Variants in NKAIN3 observed in about 807,000 individuals in gnomAD.
NKAIN3 encodes sodium/potassium transporting ATPase interacting 3, also known as sodium/potassium-transporting ATPase subunit beta-1-interacting protein 3.
NKAIN3 carries 25 observed loss-of-function variants against 30.2 expected under a neutral mutation model. The observed-to-expected ratio is 0.83, with a 90% confidence interval of 0.60 to 1.16. The LOEUF (loss-of-function observed/expected upper bound fraction) is 1.16. Among genes scored for constraint, NKAIN3 ranks in the 50% most tolerant of loss-of-function variants. The pLI is 0.00. For synonymous variants in NKAIN3, 91 were observed against 89.6 expected, an observed-to-expected ratio of 1.02 and a Z score of -0.09; for missense variants, 225 against 254.1, an observed-to-expected ratio of 0.89 and a Z score of 0.78.
intron 4 of NKAIN3, among the ~76,000 whole-genome samples, chr8:62,893,698 G>A (rs977124015): frequency 1.2e-4 from 18 of 152,098 alleles, no homozygotes; most frequent in African/African-American, 4.1e-4. Context: ...ATAACTAACT[G>A]TGTACACACA....
intron 1 of NKAIN3, among the ~76,000 whole-genome samples, chr8:62,258,029 T>C (rs1359689980): frequency 6.6e-6 from 1 of 152,120 alleles, no homozygotes; most frequent in Admixed American, 6.5e-5. Flanking sequence ...CTACTTATTT[T>C]ATTTTATTTT....
intron 1 of NKAIN3, among the ~76,000 whole-genome samples, chr8:62,512,833 T>C (rs1807857092): frequency 6.6e-6 from 1 of 152,142 alleles, no homozygotes; most frequent in Non-Finnish European, 1.5e-5. Flanking sequence ...TCCTTTCTGA[T>C]TAGGAAATCT....
intron 3 of NKAIN3, among the ~76,000 whole-genome samples, chr8:62,657,507 A>G (rs1812795548): frequency 6.6e-6 from 1 of 152,174 alleles, no homozygotes; most frequent in African/African-American, 2.4e-5. Flanking sequence ...TAATCCTGCA[A>G]TTGTATTAAT....
chr8:62,397,767 T>G (rs1164946989), intron 1 of NKAIN3, among the ~76,000 whole-genome samples: 1 of 152,120 alleles, frequency 6.6e-6, no homozygotes, highest in Non-Finnish European at 1.5e-5. Context: ...GCCAGAAACC[T>G]GTGGATCAGC....
At chr8:62,399,375 G>A (rs1817864155) in intron 1 of NKAIN3, among the ~76,000 whole-genome samples, 1 of 151,750 alleles carries the variant, frequency 6.6e-6, no homozygotes, top group Non-Finnish European at 1.5e-5. Flanking sequence ...GAGTGGTGGT[G>A]GGTGCCTGTA....
chr8:62,260,015 T>G (rs752189311), intron 1 of NKAIN3, among the ~76,000 whole-genome samples: 10 of 152,172 alleles, frequency 6.6e-5, no homozygotes, highest in Non-Finnish European at 1.2e-4. Flanking sequence ...TTTTCTTTCA[T>G]TTTTTGCATA....
In NKAIN3 at chr8:62,969,506, T is replaced by C. The variant is rs141099617; in HGVS notation, c.*4099T>C. On this transcript the variant is annotated 3_prime_UTR_variant, in exon 7 of 7. Coordinates refer to ENST00000623646, the MANE Select transcript of NKAIN3 (RefSeq NM_001304533.3). ...ACGAATTGTGTCCCCAAATATGGTC[T>C]ATTCTGGCTAATCATTTTTTAAGCA... Among the ~76,000 whole-genome samples, 37 of 152,348 alleles carry C rather than the reference T, an allele frequency of 2.4e-4. No individual in the cohort carries two copies. The highest frequency in any genetic ancestry group is 6.8e-3 in the Middle Eastern group (2 of 294).
chr8:62,502,268 G>T (rs1002989168), intron 1 of NKAIN3, among the ~76,000 whole-genome samples: 4 of 151,870 alleles, frequency 2.6e-5, no homozygotes, highest in African/African-American at 9.7e-5. Flanking sequence ...TAGTCTTCCA[G>T]TCATTGCTAA....
intron 4 of NKAIN3, among the ~76,000 whole-genome samples, chr8:62,805,783 A>G (rs994292863): frequency 5.3e-5 from 8 of 152,196 alleles, no homozygotes; most frequent in African/African-American, 1.4e-4. Context: ...AATGGCAACA[A>G]AAGCCAAAAT....
At chr8:62,833,083 G>A (rs530754885) in intron 4 of NKAIN3, among the ~76,000 whole-genome samples, 58 of 152,020 alleles carry the variant, frequency 3.8e-4, no homozygotes, top group African/African-American at 8.9e-4. Flanking sequence ...ACTTGCTCCC[G>A]AATAACTTCT....
intron 1 of NKAIN3, chr8:62,482,890 G>A (rs373287880): frequency 6.6e-6 from 1 of 152,292 alleles, no homozygotes; most frequent in African/African-American, 2.4e-5. Flanking sequence ...GGAGAAGGGA[G>A]TCAGGATAGG....
At chr8:62,706,946 A>G (rs1814541292) in intron 3 of NKAIN3, among the ~76,000 whole-genome samples, 1 of 152,144 alleles carries the variant, frequency 6.6e-6, no homozygotes, top group East Asian at 1.9e-4. Flanking sequence ...TTGAGTGTCC[A>G]TTCCTGAGTT....
chr8:62,989,265 T>G (rs1824267988), downstream of NKAIN3, among the ~76,000 whole-genome samples: 13 of 152,224 alleles, frequency 8.5e-5, no homozygotes, highest in Admixed American at 8.5e-4. Context: ...CACCACCATC[T>G]GGTACCAATT....
At chr8:62,755,211 G>A (rs1270105061) in intron 4 of NKAIN3, among the ~76,000 whole-genome samples, 1 of 152,192 alleles carries the variant, frequency 6.6e-6, no homozygotes, top group Non-Finnish European at 1.5e-5. Context: ...GTGAGTGAAG[G>A]TGGACCTCAA....
At chr8:62,703,551 A>G (rs981540426) in intron 3 of NKAIN3, among the ~76,000 whole-genome samples, 4 of 152,156 alleles carry the variant, frequency 2.6e-5, no homozygotes, top group Non-Finnish European at 5.9e-5. Context: ...ATTTCTTGAG[A>G]ACTCCCTCCT....
At chr8:62,745,239 T>G in intron 3 of NKAIN3, among the ~76,000 whole-genome samples, 1 of 152,208 alleles carries the variant, frequency 6.6e-6, no homozygotes, top group East Asian at 1.9e-4. Context: ...GACACTGTCC[T>G]CAAAGGAACC....
At chr8:62,811,941 C>T (rs1017257870) in intron 4 of NKAIN3, among the ~76,000 whole-genome samples, 4 of 150,852 alleles carry the variant, frequency 2.7e-5, no homozygotes, top group Non-Finnish European at 2.9e-5. Context: ...ATACTTTCTC[C>T]TGTGTTTTTT....
chr8:62,873,468 C>T (rs1820706027), intron 4 of NKAIN3, among the ~76,000 whole-genome samples: 1 of 148,674 alleles, frequency 6.7e-6, no homozygotes, highest in Admixed American at 6.9e-5. Flanking sequence ...GACTTGAACT[C>T]AACTCTGGAT....
chr8:62,268,831 T>C (rs994369977), intron 1 of NKAIN3, among the ~76,000 whole-genome samples: 2 of 152,142 alleles, frequency 1.3e-5, no homozygotes, highest in Admixed American at 6.6e-5. Context: ...ATGGTTCTGG[T>C]TGGGTAGCTT....
Sources: gnomAD v4.1 joint callset for allele counts (sites outside exome capture counted in the v4.1 genomes callset) on GRCh38, gnomAD v4.1.1 for gene constraint, MANE v1.5 for transcripts, NCBI Gene and HGNC (gene_info 2026-07-23, HGNC 2026-07-21) for gene names.